Variants in KANK1 observed in about 807,000 individuals in gnomAD.
KANK1 encodes KN motif and ankyrin repeat domains 1.
Under a neutral mutation model 106.2 loss-of-function variants are expected in KANK1, and 109 were observed. The observed-to-expected ratio is 1.03, with a 90% CI of 0.88 to 1.20. KANK1 has a LOEUF of 1.20. Among genes scored for constraint, KANK1 ranks in the 50% most tolerant of loss-of-function variants. The pLI is 0.00. For missense variants in KANK1, 2,399 were observed against 1,710.7 expected, an observed-to-expected ratio of 1.40 and a Z score of -7.10; for synonymous variants, 873 against 652.2, an observed-to-expected ratio of 1.34 and a Z score of -5.16.
chr9:732,436 G>T lies in KANK1; in HGVS notation c.3064G>T (p.Asp1022Tyr). The change falls in exon 6 of 12, where the codon GAT (aspartate) becomes TAT (tyrosine). Residue 1022 changes from aspartate to tyrosine, a missense_variant. Asp to Tyr is a radical substitution (Grantham distance 160). Coordinates refer to ENST00000382297, the MANE Select transcript of KANK1 (RefSeq NM_015158.5). ...AGATGAAAGCTCTTCTTCCGAGTCA[G>T]ATGACGAGTGTGATGTCATTGAGTA... is the stretch of plus-strand genomic sequence containing the variant. ...SSDESSSSESDDECDVIEYPL... is the reference protein window; with the variant it reads ...SSDESSSSESYDECDVIEYPL... 6.2e-7 allele frequency: 1 copy of T among 1,614,198 alleles called. No individual in the cohort carries two copies. Among genetic ancestry groups the T allele is most frequent in the Non-Finnish European group, 8.5e-7 (1 of 1,180,030 alleles).
intron 1 of KANK1, among the ~76,000 whole-genome samples, chr9:505,138 G>C (rs2058688489): frequency 6.6e-6 from 1 of 152,156 alleles, no homozygotes; most frequent in South Asian, 2.1e-4. Context: ...CCGGCCCGGC[G>C]CTCTGTCCCT....
chr9:562,042 CT>C (rs34419752), intron 1 of KANK1, among the ~76,000 whole-genome samples: 1,280 of 104,894 alleles, frequency 0.012, 14 homozygotes, highest in African/African-American at 0.044. Context: ...ATTGCATTTT[CT>C]TTTTTTTTTT....
intron 1 of KANK1, among the ~76,000 whole-genome samples, chr9:509,231 G>A (rs1016594005): frequency 2.0e-5 from 3 of 152,102 alleles, no homozygotes; most frequent in Non-Finnish European, 4.4e-5. Context: ...CCGATTAGCT[G>A]GAACTACAGG....
intron 1 of KANK1, among the ~76,000 whole-genome samples, chr9:572,882 G>C (rs1819571757): frequency 1.3e-5 from 2 of 152,100 alleles, no homozygotes; most frequent in Non-Finnish European, 2.9e-5. Flanking sequence ...GCTAGAAAAA[G>C]GTAAGATTGG....
intron 1 of KANK1, among the ~76,000 whole-genome samples, chr9:661,374 G>A (rs773571383): frequency 6.6e-6 from 1 of 151,838 alleles, no homozygotes; most frequent in Admixed American, 6.6e-5. Context: ...AACATGCAGT[G>A]TCTGGTTTTC....
chr9:495,649 G>C (rs995459230), intron 3 of KANK1: 2 of 152,116 alleles, frequency 1.3e-5, no homozygotes, highest in Non-Finnish European at 2.9e-5. Context: ...AGTGTATTTG[G>C]CTTCAGCTGT....
At chr9:544,500 A>G (rs1441890585) in intron 1 of KANK1, among the ~76,000 whole-genome samples, 1 of 152,230 alleles carries the variant, frequency 6.6e-6, no homozygotes, top group African/African-American at 2.4e-5. Context: ...AGCAATTAAT[A>G]GATGGACCGG....
chr9:598,764 G>C (rs1826946430), intron 1 of KANK1, among the ~76,000 whole-genome samples: 1 of 148,092 alleles, frequency 6.8e-6, no homozygotes, highest in Admixed American at 6.7e-5. Context: ...CTGAGTAGCT[G>C]AGATTACAGG....
chr9:546,754 T>A (rs2060958475), intron 1 of KANK1, among the ~76,000 whole-genome samples: 1 of 152,102 alleles, frequency 6.6e-6, no homozygotes, highest in Non-Finnish European at 1.5e-5. Context: ...CATCTGTATT[T>A]TAATAGTATC....
chr9:532,340 C>G (rs1323964413), intron 1 of KANK1, among the ~76,000 whole-genome samples: 1 of 131,328 alleles, frequency 7.6e-6, no homozygotes, highest in South Asian at 2.5e-4. Flanking sequence ...CTCACTGGTT[C>G]AAGCGATTCT....
intron 1 of KANK1, among the ~76,000 whole-genome samples, chr9:531,394 A>G (rs1001443766): frequency 6.6e-6 from 1 of 151,958 alleles, no homozygotes. Flanking sequence ...TTGTACCCCT[A>G]CACTCCATCC....
chr9:526,387 A>G (rs2059792831), intron 1 of KANK1, among the ~76,000 whole-genome samples: 1 of 151,580 alleles, frequency 6.6e-6, no homozygotes, highest in Non-Finnish European at 1.5e-5. Flanking sequence ...ATTGGTTCTC[A>G]TATGGGAAAA....
At chr9:558,277 A>G (rs995319586) in intron 1 of KANK1, among the ~76,000 whole-genome samples, 3 of 152,218 alleles carry the variant, frequency 2.0e-5, no homozygotes, top group African/African-American at 7.2e-5. Flanking sequence ...GAAATAGAGG[A>G]TAATTTGGAA....
chr9:491,270 A>ATTT (rs1313946480), intron 3 of KANK1, among the ~76,000 whole-genome samples: 17 of 140,740 alleles, frequency 1.2e-4, no homozygotes, highest in African/African-American at 3.4e-4. Flanking sequence ...CCTGGAGTGC[A>ATTT]TTTTCTTTTT....
At chr9:500,617 G>T (rs547250403), upstream of KANK1, among the ~76,000 whole-genome samples, 8 of 152,370 alleles carry the variant, frequency 5.3e-5, no homozygotes, top group South Asian at 1.7e-3. Context: ...GGAAACAGCA[G>T]TGTGGAAGGA....
At chr9:470,380 T>TGGCCTGA (rs2057995307) in intron 1 of KANK1, 1 of 152,628 alleles carries the variant, frequency 6.6e-6, no homozygotes, top group Non-Finnish European at 1.5e-5. Context: ...AGAGGGTGCG[T>TGGCCTGA]GGCCTGAGGG....
chr9:518,488 A>T (rs938993473), intron 1 of KANK1, among the ~76,000 whole-genome samples: 1 of 151,640 alleles, frequency 6.6e-6, no homozygotes, highest in Non-Finnish European at 1.5e-5. Context: ...GATTCGATGT[A>T]GGGGAGGGGT....
chr9:635,823 C>T (rs550682505), intron 1 of KANK1, among the ~76,000 whole-genome samples: 205 of 150,678 alleles, frequency 1.4e-3, no homozygotes, highest in Non-Finnish European at 2.3e-3. Flanking sequence ...CTCAGCCTCC[C>T]GAGTAGCTGG....
intron 3 of KANK1, among the ~76,000 whole-genome samples, chr9:493,209 G>A (rs1286735199): frequency 3.9e-5 from 6 of 152,062 alleles, no homozygotes; most frequent in Admixed American, 1.3e-4. Flanking sequence ...AAAAGACATT[G>A]CAGCCACCAT....
Sources: allele counts gnomAD v4.1 joint callset (sites outside exome capture counted in the v4.1 genomes callset), GRCh38; gene constraint gnomAD v4.1.1; transcripts MANE v1.5; gene names NCBI Gene and HGNC (gene_info 2026-07-23, HGNC 2026-07-21).